Variants in GAB2 observed in about 807,000 individuals in gnomAD.
GAB2 encodes the protein GRB2 associated binding protein 2, also known as GRB2-associated-binding protein 2.
In GAB2, 26 loss-of-function variants were observed where a neutral mutation model predicts 65.5. That is an observed-to-expected ratio of 0.40 (90% confidence interval 0.29 to 0.55). GAB2 has a LOEUF of 0.55. GAB2 is among the 20% of genes least tolerant of loss of function. The pLI is 0.53. For missense variants in GAB2, 884 were observed against 875.8 expected (o/e 1.01, Z -0.12); for synonymous variants, 321 against 329.6 (o/e 0.97, Z 0.28).
chr11:78,346,813 T>C (rs975515758), intron 1 of GAB2, among the ~76,000 whole-genome samples: 19 of 148,936 alleles, frequency 1.3e-4, no homozygotes, highest in African/African-American at 4.2e-4. Flanking sequence ...TAGCCTCAAA[T>C]AGACCTTTCT....
Position 78,326,465 on chromosome 11 carries a change from A to T in GAB2, c.76-45564T>A, listed in dbSNP as rs566104741. ...ATAGGATAACAGTAAACCCTACTGA[A>T]TCAAGTTTGGACAATTTTTTTTTCT... On this transcript the variant is annotated intron_variant, in intron 1 of 9. Coordinates refer to ENST00000361507, the MANE Select transcript of GAB2 (RefSeq NM_080491.3). Among the ~76,000 whole-genome samples the T allele has an allele frequency of 1.4e-4, 22 of 151,878 alleles. No homozygotes were observed. The South Asian group carries it at 4.3e-3, about 30-fold the overall frequency.
chr11:78,219,712 C>T (rs113147320), intron 9 of GAB2, among the ~76,000 whole-genome samples: 2,406 of 152,298 alleles, frequency 0.016, 65 homozygotes, highest in African/African-American at 0.055. Flanking sequence ...TCCAGGCCTT[C>T]ATCTCTGCCT....
intron 1 of GAB2, among the ~76,000 whole-genome samples, chr11:78,364,721 T>C (rs1046418422): frequency 1.3e-5 from 2 of 152,200 alleles, no homozygotes; most frequent in Admixed American, 6.5e-5. Flanking sequence ...GCTATATGTG[T>C]TTAAGTTCTT....
At chr11:78,236,214 T>A (rs1466744998) in intron 3 of GAB2, among the ~76,000 whole-genome samples, 1 of 152,236 alleles carries the variant, frequency 6.6e-6, no homozygotes, top group Non-Finnish European at 1.5e-5. Context: ...ATTCGATATA[T>A]AATTAAAATT....
In GAB2 at chr11:78,226,889, G is replaced by C. The variant is rs778233204; in HGVS notation, c.783C>G (p.Phe261Leu). Residue 261 changes from phenylalanine to leucine, a missense_variant, in exon 4 of 10, where the codon TTC (phenylalanine) becomes TTG (leucine). Physicochemically the swap from Phe to Leu is conservative, Grantham distance 22. Coordinates refer to ENST00000361507, the MANE Select transcript of GAB2 (RefSeq NM_080491.3). Reference protein sequence around the residue: ...LPKPSRHNTEFRDSTYDLPRS... With the variant: ...LPKPSRHNTELRDSTYDLPRS... ...GGGGGAGGTCGTAGGTACTGTCTCT[G>C]AATTCTGTATTGTGCCGGCTCGGCT... 28 of 1,614,012 alleles carry C rather than the reference G, an allele frequency of 1.7e-5. No individual in the cohort carries two copies. The highest frequency in any genetic ancestry group is 2.4e-5 in the Non-Finnish European group (28 of 1,180,014).
intron 1 of GAB2, among the ~76,000 whole-genome samples, chr11:78,297,575 AG>A (rs1591012590): frequency 6.6e-6 from 1 of 152,108 alleles, no homozygotes; most frequent in African/African-American, 2.4e-5. Context: ...AGAACAGCAT[AG>A]GTAAAGGCCC....
chr11:78,410,729 C>T (rs1049129497), intron 1 of GAB2, among the ~76,000 whole-genome samples: 11 of 152,006 alleles, frequency 7.2e-5, no homozygotes, highest in Admixed American at 5.9e-4. Flanking sequence ...TTTGAAGAAC[C>T]CCGTATCTAT....
intron 3 of GAB2, among the ~76,000 whole-genome samples, chr11:78,237,034 A>G (rs1317130544): frequency 6.6e-6 from 1 of 152,150 alleles, no homozygotes; most frequent in Admixed American, 6.5e-5. Context: ...CCAGATTTTG[A>G]TAGTAGGGTT....
At chr11:78,389,198 C>T (rs7117920) in intron 1 of GAB2, among the ~76,000 whole-genome samples, 1 of 152,010 alleles carries the variant, frequency 6.6e-6, no homozygotes, top group African/African-American at 2.4e-5. Context: ...GAGATCACAA[C>T]AGGAAAAATG....
chr11:78,317,840 T>A (rs1855642082), intron 1 of GAB2, among the ~76,000 whole-genome samples: 1 of 151,994 alleles, frequency 6.6e-6, no homozygotes, highest in Non-Finnish European at 1.5e-5. Context: ...GGGCTTTGGT[T>A]TTGTCAACCA....
chr11:78,341,760 C>T (rs893289612), intron 1 of GAB2: 2 of 986,260 alleles, frequency 2.0e-6, no homozygotes, highest in African/African-American at 3.5e-5. Flanking sequence ...CAAAACTCAC[C>T]TTTTCATGAT....
intron 1 of GAB2, among the ~76,000 whole-genome samples, chr11:78,346,830 A>AG (rs1856198513): frequency 6.6e-6 from 1 of 150,478 alleles, no homozygotes; most frequent in East Asian, 2.0e-4. Flanking sequence ...TTCTTTTTAG[A>AG]GGGGGGCATT....
chr11:78,416,416 A>G (rs1033882189), intron 1 of GAB2, among the ~76,000 whole-genome samples: 22 of 152,222 alleles, frequency 1.4e-4, no homozygotes, highest in African/African-American at 5.3e-4. Context: ...CTTGATTCTG[A>G]TCTGGGGAGC....
intron 1 of GAB2, among the ~76,000 whole-genome samples, chr11:78,332,640 A>G (rs1437833746): frequency 6.6e-6 from 1 of 152,256 alleles, no homozygotes; most frequent in East Asian, 1.9e-4. Flanking sequence ...GGGATGCAGC[A>G]AGAGGTAGCA....
At chr11:78,238,965 G>C (rs1865058939) in intron 3 of GAB2, among the ~76,000 whole-genome samples, 1 of 151,958 alleles carries the variant, frequency 6.6e-6, no homozygotes, top group African/African-American at 2.4e-5. Flanking sequence ...CAAAAGACTT[G>C]AAATAGATAT....
chr11:78,266,282 C>T (rs928683309), intron 2 of GAB2, among the ~76,000 whole-genome samples: 5 of 146,446 alleles, frequency 3.4e-5, no homozygotes, highest in African/African-American at 1.0e-4. Flanking sequence ...GCTACTAATA[C>T]GGTGATCTAA....
chr11:78,255,017 AC>A (rs1051206729), intron 2 of GAB2, among the ~76,000 whole-genome samples: 1 of 152,042 alleles, frequency 6.6e-6, no homozygotes, highest in African/African-American at 2.4e-5. Context: ...ATGTGACCTT[AC>A]TTGAAAATAG....
intron 1 of GAB2, among the ~76,000 whole-genome samples, chr11:78,334,226 G>A (rs1363513830): frequency 6.6e-6 from 1 of 152,182 alleles, no homozygotes; most frequent in East Asian, 1.9e-4. Flanking sequence ...CCATCCCCTT[G>A]AGCATTTATC....
chr11:78,397,415 C>G (rs1317844070), intron 1 of GAB2, among the ~76,000 whole-genome samples: 1 of 152,198 alleles, frequency 6.6e-6, no homozygotes, highest in African/African-American at 2.4e-5. Context: ...GGAAGCACAG[C>G]GTAAACCAAC....
Sources: allele counts gnomAD v4.1 joint callset (sites outside exome capture counted in the v4.1 genomes callset), GRCh38; gene constraint gnomAD v4.1.1; transcripts MANE v1.5; gene names NCBI Gene and HGNC (gene_info 2026-07-23, HGNC 2026-07-21).